FIG4: variants seen among roughly 807,000 people sequenced by gnomAD.
The protein encoded by FIG4 is polyphosphoinositide phosphatase.
A neutral mutation model predicts 118.6 loss-of-function variants in FIG4; 112 were observed. The observed-to-expected ratio is 0.94, with a 90% CI of 0.81 to 1.11. FIG4 has a LOEUF of 1.11. Ranked by LOEUF, FIG4 falls within the 50% of genes least tolerant of loss-of-function variation. The pLI is 0.00. For synonymous variants in FIG4, 369 were observed against 381.2 expected (o/e 0.97, Z 0.37); for missense variants, 969 against 1,111.7 (o/e 0.87, Z 1.83).
intron 22 of FIG4, among the ~76,000 whole-genome samples, chr6:109,810,571 A>G (rs1778691990): frequency 1.3e-5 from 2 of 152,202 alleles, no homozygotes; most frequent in Non-Finnish European, 2.9e-5. Flanking sequence ...CAGCACTAAA[A>G]TGCTGCCTGT....
At chr6:109,740,724 G>A (rs1157145837) in intron 7 of FIG4, among the ~76,000 whole-genome samples, 1 of 152,090 alleles carries the variant, frequency 6.6e-6, no homozygotes, top group Non-Finnish European at 1.5e-5. Context: ...CTCTTTGAGA[G>A]GTGTATGATC....
At chr6:109,747,204 G>A (rs1309256887) in intron 10 of FIG4, among the ~76,000 whole-genome samples, 3 of 152,120 alleles carry the variant, frequency 2.0e-5, no homozygotes, top group Non-Finnish European at 4.4e-5. Context: ...AGGCCCAGAT[G>A]TGATTTTTGT....
intron 10 of FIG4, among the ~76,000 whole-genome samples, chr6:109,745,409 T>C (rs930080656): frequency 1.3e-5 from 2 of 152,240 alleles, no homozygotes; most frequent in African/African-American, 4.8e-5. Context: ...TGAGCCTTTT[T>C]TCAAATGTTT....
chr6:109,771,454 T>C (rs1777456471), intron 15 of FIG4, among the ~76,000 whole-genome samples: 1 of 142,796 alleles, frequency 7.0e-6, no homozygotes, highest in Admixed American at 7.4e-5. Flanking sequence ...GGGAACTTCC[T>C]CTAATTCTTT....
chr6:109,788,473 A>G (rs1778047008), intron 18 of FIG4, among the ~76,000 whole-genome samples: 1 of 152,260 alleles, frequency 6.6e-6, no homozygotes, highest in Admixed American at 6.5e-5. Context: ...ATAGGAGAGC[A>G]GAAATTAAGA....
At chr6:109,730,329 A>G (rs1375965930) in intron 4 of FIG4, among the ~76,000 whole-genome samples, 2 of 152,158 alleles carry the variant, frequency 1.3e-5, no homozygotes, top group African/African-American at 4.8e-5. Flanking sequence ...GATTACAGAC[A>G]TGAGCCACAG....
At chr6:109,806,329 C>T (rs1030611521) in intron 22 of FIG4, among the ~76,000 whole-genome samples, 3 of 152,146 alleles carry the variant, frequency 2.0e-5, no homozygotes, top group African/African-American at 7.2e-5. Context: ...GAAACTCAAT[C>T]GGTGTAATCT....
chr6:109,800,287 A>G (rs1414637820), intron 22 of FIG4, among the ~76,000 whole-genome samples: 2 of 152,220 alleles, frequency 1.3e-5, no homozygotes, highest in African/African-American at 2.4e-5. Flanking sequence ...GGCATCTGAC[A>G]TGACCTGGAT....
intron 21 of FIG4, among the ~76,000 whole-genome samples, chr6:109,795,620 T>TTTG: frequency 7.1e-6 from 1 of 141,766 alleles, no homozygotes; most frequent in Non-Finnish European, 1.5e-5. Flanking sequence ...TTTTTTTTTT[T>TTTG]TGAGACAGTC....
chr6:109,702,908 G>C (rs542037994), intron 1 of FIG4, among the ~76,000 whole-genome samples: 13 of 152,198 alleles, frequency 8.5e-5, no homozygotes, highest in African/African-American at 3.1e-4. Flanking sequence ...CTTTAGTCCG[G>C]ACTGGATGCT....
intron 21 of FIG4, among the ~76,000 whole-genome samples, chr6:109,795,594 C>T (rs1367682847): frequency 1.4e-4 from 6 of 42,394 alleles, no homozygotes; most frequent in African/African-American, 2.2e-4. Flanking sequence ...TGGTTTCAGT[C>T]CTTTTTTTTT....
At chr6:109,809,036 G>T (rs1778649275) in intron 22 of FIG4, among the ~76,000 whole-genome samples, 2 of 152,198 alleles carry the variant, frequency 1.3e-5, no homozygotes, top group Non-Finnish European at 2.9e-5. Flanking sequence ...GGATAAGAGA[G>T]TATGAGAAGT....
chr6:109,758,026 C>A (rs1046460746), intron 10 of FIG4, among the ~76,000 whole-genome samples: 3 of 152,112 alleles, frequency 2.0e-5, no homozygotes, highest in Non-Finnish European at 2.9e-5. Context: ...GTGAAAATGG[C>A]CATACTGCCC....
intron 11 of FIG4, among the ~76,000 whole-genome samples, chr6:109,761,280 G>A (rs1216934174): frequency 1.3e-5 from 2 of 151,090 alleles, no homozygotes; most frequent in Admixed American, 6.6e-5. Context: ...AGACTCTGCC[G>A]CCCGGGTTCA....
chr6:109,761,542 C>T (rs563925772), intron 11 of FIG4, among the ~76,000 whole-genome samples: 43 of 152,262 alleles, frequency 2.8e-4, no homozygotes, highest in African/African-American at 9.9e-4. Context: ...CCCTCCACCA[C>T]GCCCGGCTAA....
At chr6:109,807,000 A>G (rs1778583343) in intron 22 of FIG4, among the ~76,000 whole-genome samples, 1 of 152,148 alleles carries the variant, frequency 6.6e-6, no homozygotes, top group African/African-American at 2.4e-5. Flanking sequence ...TATCCAGTCT[A>G]TCATTGATAG....
chr6:109,822,467 T>G (rs1319824319), intron 22 of FIG4, among the ~76,000 whole-genome samples: 1 of 152,182 alleles, frequency 6.6e-6, no homozygotes, highest in African/African-American at 2.4e-5. Context: ...GTGTACATAA[T>G]GGTATTTCAA....
At chr6:109,747,652 G>C (rs987955376) in intron 10 of FIG4, among the ~76,000 whole-genome samples, 1 of 152,010 alleles carries the variant, frequency 6.6e-6, no homozygotes, top group East Asian at 1.9e-4. Context: ...AGATCATATC[G>C]ATATGTTTAA....
intron 15 of FIG4, among the ~76,000 whole-genome samples, chr6:109,774,825 G>T (rs1339557086): frequency 6.6e-6 from 1 of 152,094 alleles, no homozygotes; most frequent in Non-Finnish European, 1.5e-5. Context: ...ATGTGAGGTA[G>T]GGGTCTAACA....
Sources: gnomAD v4.1 joint callset for allele counts (sites outside exome capture counted in the v4.1 genomes callset) on GRCh38, gnomAD v4.1.1 for gene constraint, MANE v1.5 for transcripts, NCBI Gene and HGNC (gene_info 2026-07-23, HGNC 2026-07-21) for gene names.